Variants in AMN1 observed in about 807,000 individuals in gnomAD.
AMN1 encodes the protein antagonist of mitotic exit network 1 homolog.
AMN1 carries 20 observed loss-of-function variants against 33.0 expected under a neutral mutation model. The ratio of observed to expected loss-of-function variants is 0.61; its 90% confidence interval spans 0.43 to 0.88. The LOEUF is 0.88. Among genes scored for constraint, AMN1 ranks in the 40% least tolerant of loss-of-function variants. The pLI is 0.00. For missense variants in AMN1, 246 were observed against 307.4 expected (o/e 0.80, Z 1.49); for synonymous variants, 114 against 111.9 (o/e 1.02, Z -0.12).
At chr12:31,704,595 A>C (rs1018863290) in intron 2 of AMN1, among the ~76,000 whole-genome samples, 1 of 152,036 alleles carries the variant, frequency 6.6e-6, no homozygotes, top group African/African-American at 2.4e-5. Context: ...ATCATGTTTA[A>C]AAAGGCCTTC....
At chr12:31,724,460 T>A (rs1323139285) in intron 1 of AMN1, among the ~76,000 whole-genome samples, 1 of 152,122 alleles carries the variant, frequency 6.6e-6, no homozygotes, top group Non-Finnish European at 1.5e-5. Context: ...GGCATGAGAT[T>A]TCATCATGCT....
At chr12:31,702,699 T>C (rs913551425) in intron 2 of AMN1, among the ~76,000 whole-genome samples, 1 of 152,166 alleles carries the variant, frequency 6.6e-6, no homozygotes, top group Admixed American at 6.5e-5. Context: ...ATTAGATGCT[T>C]ACCAGGAAGG....
intron 6 of AMN1, among the ~76,000 whole-genome samples, chr12:31,682,486 C>T (rs1336429145): frequency 1.8e-5 from 2 of 110,996 alleles, no homozygotes; most frequent in Admixed American, 1.4e-4. Context: ...TGTGTCATGA[C>T]GTTGTTTAGC....
At chr12:31,695,059 G>C (rs764582984) in intron 5 of AMN1, among the ~76,000 whole-genome samples, 2 of 152,008 alleles carry the variant, frequency 1.3e-5, no homozygotes, top group Non-Finnish European at 2.9e-5. Flanking sequence ...TGGCACTTTG[G>C]AATAATCTTT....
At chr12:31,720,148 T>G (rs1939828662) in intron 1 of AMN1, among the ~76,000 whole-genome samples, 4 of 152,240 alleles carry the variant, frequency 2.6e-5, no homozygotes, top group Admixed American at 2.6e-4. Flanking sequence ...CAGTGTGCAC[T>G]TCAGTGGCAT....
chr12:31,715,979 T>G (rs1024023602), intron 1 of AMN1, among the ~76,000 whole-genome samples: 3 of 152,370 alleles, frequency 2.0e-5, no homozygotes, highest in Non-Finnish European at 4.4e-5. Flanking sequence ...GTAAGACTGG[T>G]GTCAGTTGCA....
At chr12:31,689,165 T>C (rs758453170) in intron 5 of AMN1, 47 bp from the exon 6 acceptor site, 15 of 1,278,120 alleles carry the variant, frequency 1.2e-5, no homozygotes, top group Middle Eastern at 1.8e-4. Flanking sequence ...CAAAGATCTA[T>C]AATAACAGTA....
chr12:31,697,778 AG>A lies in AMN1; in HGVS notation c.495del (p.Cys166AlafsTer19). ...AAGTCGACACACTGCAAAAATGGGC[AG>A]TTTTTTCCTAATGCATGTAAGGACA... ...TDVSLHALGKNCPFLQCVDFS... is the reference protein window; with the variant it reads ...TDVSLHALGKXCPFLQCVDFS... On this transcript the variant is annotated frameshift_variant, in exon 4 of 7. Transcript: ENST00000281471. LOFTEE classifies it high-confidence loss of function. The A allele has an allele frequency of 6.2e-7, 1 of 1,613,970 alleles. No homozygotes were observed. The highest frequency in any genetic ancestry group is 8.5e-7 in the Non-Finnish European group (1 of 1,179,864).
chr12:31,701,733 T>C (rs1939010291), intron 3 of AMN1, 130 bp downstream of exon 3: 4 of 796,760 alleles, frequency 5.0e-6, no homozygotes, highest in Non-Finnish European at 7.3e-6. Context: ...TGAATGTTTT[T>C]ACTGATAAAT....
chr12:31,697,226 G>T, intron 5 of AMN1, 135 bp downstream of exon 5: 1 of 581,898 alleles, frequency 1.7e-6, no homozygotes. Context: ...TGGCAATAAA[G>T]AGATAGAACA....
chr12:31,682,527 T>A (rs1592149156), intron 6 of AMN1, among the ~76,000 whole-genome samples: 1 of 149,760 alleles, frequency 6.7e-6, no homozygotes, highest in Non-Finnish European at 1.5e-5. Context: ...TGGGGGGGTG[T>A]CTCTGGGTTA....
At position 31,687,674 on chromosome 12, in the gene AMN1, G is replaced by A. The variant is rs570285823; in HGVS notation, c.703+1333C>T. 2.7e-5 allele frequency among the ~76,000 whole-genome samples: 4 copies of A among 149,458 alleles called. No individual in the cohort carries two copies. Among genetic ancestry groups the A allele is most frequent in the African/African-American group, 9.9e-5 (4 of 40,234 alleles). On this transcript the variant is annotated intron_variant, in intron 6 of 6. Coordinates refer to ENST00000281471, the MANE Select transcript of AMN1 (RefSeq NM_001113402.2). The surrounding 1 kb of genome is among the most constrained non-coding windows in gnomAD (Gnocchi z 4.1). Reference sequence around the variant, plus strand: ...CTCCAGCCTCGGCGGGTGACAGAGCGAGATTCTGTCTCAAAAAAAAAAAAA... The same window carrying A: ...CTCCAGCCTCGGCGGGTGACAGAGCAAGATTCTGTCTCAAAAAAAAAAAAA...
In AMN1 at chr12:31,689,765, A is replaced by T. The variant is rs547904930; in HGVS notation, c.592-647T>A. ...TGATAAAATTATTTTTAAATTTTTT[A>T]AAAATTTCCATAGATTTTTGGGGAA... On this transcript the variant is annotated intron_variant, in intron 5 of 6. Transcript: ENST00000281471. Among the ~76,000 whole-genome samples the T allele has an allele frequency of 9.5e-4, 145 of 152,336 alleles. 1 individual carries two copies. Among genetic ancestry groups the T allele is most frequent in the Non-Finnish European group, 1.6e-4 (11 of 68,030 alleles).
At chr12:31,720,025 ATAC>A (rs1939822819) in intron 1 of AMN1, among the ~76,000 whole-genome samples, 1 of 152,240 alleles carries the variant, frequency 6.6e-6, no homozygotes, top group African/African-American at 2.4e-5. Context: ...TTGTGTGAAT[ATAC>A]TACATTTAAT....
chr12:31,678,268 C>G (rs550065175), intron 6 of AMN1, among the ~76,000 whole-genome samples: 17 of 152,116 alleles, frequency 1.1e-4, no homozygotes, highest in African/African-American at 4.1e-4. Flanking sequence ...GCCTCCCAAC[C>G]TCTAAGGAAC....
intron 1 of AMN1, among the ~76,000 whole-genome samples, chr12:31,727,730 T>G (rs1174341347): frequency 6.6e-6 from 1 of 152,158 alleles, no homozygotes; most frequent in African/African-American, 2.4e-5. Flanking sequence ...TATATTATAG[T>G]TATTTATTTT....
In AMN1 at chr12:31,697,887, A is replaced by G. The variant is rs773322783; in HGVS notation, c.387T>C (p.Thr129=). 87 of 1,613,920 alleles carry G rather than the reference A, an allele frequency of 5.4e-5. No homozygotes were observed. In the South Asian group the frequency reaches 8.9e-4, roughly 16 times the overall value. Residue 129 remains threonine, a synonymous_variant, in exon 4 of 7, where the codon ACT becomes ACC. Coordinates refer to ENST00000281471, the MANE Select transcript of AMN1 (RefSeq NM_001113402.2). Reference sequence around the variant, plus strand: ...GTGCAAGAGCAACGACTCCTTCGTCAGTGAGATTGCAGCATCTTTTCAAAG... The same window carrying G: ...GTGCAAGAGCAACGACTCCTTCGTCGGTGAGATTGCAGCATCTTTTCAAAG... ...EASLKRCCNL[T]DEGVVALALN...
intron 1 of AMN1, among the ~76,000 whole-genome samples, chr12:31,716,225 TATA>T (rs1427117681): frequency 6.6e-6 from 1 of 152,248 alleles, no homozygotes; most frequent in Non-Finnish European, 1.5e-5. Flanking sequence ...TTCACTAACG[TATA>T]ATATTCTGTT....
At position 31,729,019 on chromosome 12, in the gene AMN1, T is replaced by C; in HGVS notation, c.-11A>G. ...CCGTGGGCGAGGCATCGCTGCAGCG[T>C]CTGAAGCCTCTTCCGCGGTCCCAGG... is the stretch of plus-strand genomic sequence containing the variant. On this transcript the variant is annotated 5_prime_UTR_variant, in exon 1 of 7. Coordinates refer to ENST00000281471, the MANE Select transcript of AMN1 (RefSeq NM_001113402.2). 1 of 1,540,402 alleles carries C rather than the reference T, an allele frequency of 6.5e-7. No homozygotes were observed. Among genetic ancestry groups the C allele is most frequent in the Non-Finnish European group, 8.8e-7 (1 of 1,138,902 alleles).
Sources: allele counts gnomAD v4.1 joint callset (sites outside exome capture counted in the v4.1 genomes callset), GRCh38; gene constraint gnomAD v4.1.1; non-coding constraint Gnocchi (gnomAD v3.1); transcripts MANE v1.5; gene names NCBI Gene and HGNC (gene_info 2026-07-23, HGNC 2026-07-21).